ANKRD11: variants seen among roughly 807,000 people sequenced by gnomAD.
ANKRD11 encodes ankyrin repeat domain-containing protein 11.
In ANKRD11, 17 loss-of-function variants were observed where a neutral mutation model predicts 195.7. That is an observed-to-expected ratio of 0.09 (90% CI 0.06 to 0.13). The LOEUF (loss-of-function observed/expected upper bound fraction) is 0.13. Ranked by LOEUF, ANKRD11 falls within the 10% of genes least tolerant of loss-of-function variation. ANKRD11 has a pLI of 1.00. For synonymous variants in ANKRD11, 1,953 were observed against 1,528.1 expected, an observed-to-expected ratio of 1.28 and a Z score of -6.49; for missense variants, 3,735 against 3,566.1, an observed-to-expected ratio of 1.05 and a Z score of -1.21.
chr16:89,481,043 C>A (rs923056236), intron 1 of ANKRD11, among the ~76,000 whole-genome samples: 1 of 152,192 alleles, frequency 6.6e-6, no homozygotes, highest in African/African-American at 2.4e-5. Context: ...GCCCCACCAC[C>A]CCGTTCCCCA....
At chr16:89,388,433 A>G (rs1415246463) in intron 2 of ANKRD11, among the ~76,000 whole-genome samples, 7 of 151,000 alleles carry the variant, frequency 4.6e-5, no homozygotes, top group Non-Finnish European at 1.0e-4. Context: ...CCCAGCCTCC[A>G]TGAGGTTGAT....
In ANKRD11 at chr16:89,320,552, C is replaced by T. The variant is rs1319521561; in HGVS notation, c.-59-3474G>A. Among the ~76,000 whole-genome samples the T allele has an allele frequency of 3.9e-5, 6 of 152,328 alleles. No individual in the cohort carries two copies. The East Asian group carries it at 5.8e-4, about 15-fold the overall frequency. On this transcript the variant is annotated intron_variant, in intron 2 of 12. Coordinates refer to ENST00000301030, the MANE Select transcript of ANKRD11 (RefSeq NM_013275.6). ...CCCCCAGGCCACGCATTCCTTGTTA[C>T]TTCACCTCCTGGCGGATGGCAACCG...
intron 4 of ANKRD11, among the ~76,000 whole-genome samples, chr16:89,295,020 T>A (rs960399167): frequency 6.6e-6 from 1 of 152,212 alleles, no homozygotes; most frequent in African/African-American, 2.4e-5. Context: ...GGAAGCCAAA[T>A]ACAATTTCTA....
chr16:89,290,658 C>T lies in ANKRD11; in HGVS notation c.568G>A (p.Glu190Lys). ...TCCTTGACGTTGACGTCTGCCCCCT[C>T]GCTGATGAGCTCTTTGATGCGCCGG... Reference protein sequence around the residue: ...DARRIKELISEGADVNVKDFA... With the variant: ...DARRIKELISKGADVNVKDFA... Residue 190 changes from glutamate (E) to lysine (K), a missense_variant, in exon 6 of 13, where the codon GAG (glutamate) becomes AAG (lysine). Coordinates refer to ENST00000301030, the MANE Select transcript of ANKRD11 (RefSeq NM_013275.6). The T allele has an allele frequency of 1.2e-6, 2 of 1,613,712 alleles. No homozygotes were observed. Among genetic ancestry groups the T allele is most frequent in the Non-Finnish European group, 1.7e-6 (2 of 1,180,006 alleles).
chr16:89,481,031 C>A (rs1238128678), intron 1 of ANKRD11, among the ~76,000 whole-genome samples: 1 of 152,198 alleles, frequency 6.6e-6, no homozygotes, highest in Non-Finnish European at 1.5e-5. Context: ...CACCCAGCTT[C>A]TGCCCCACCA....
At chr16:89,357,823 G>A (rs1026512926) in intron 2 of ANKRD11, among the ~76,000 whole-genome samples, 2 of 152,230 alleles carry the variant, frequency 1.3e-5, no homozygotes, top group African/African-American at 4.8e-5. Flanking sequence ...ATGGCCACAG[G>A]ACAACGCTGC....
Position 89,315,601 on chromosome 16 carries a change from G to A in ANKRD11, c.87+1332C>T, listed in dbSNP as rs994839705. Among the ~76,000 whole-genome samples the A allele has an allele frequency of 5.3e-5, 8 of 152,358 alleles. No individual in the cohort carries two copies. In the East Asian group the frequency reaches 9.6e-4, roughly 18 times the overall value. ...AAGCACTGGCTTCAGCTCATCCTTC[G>A]CTGGTGGCTGCAAGCCATGGAACCC... On this transcript the variant is annotated intron_variant, in intron 3 of 12. Transcript: ENST00000301030.
intron 7 of ANKRD11, 25 bp from the exon 8 acceptor site, chr16:89,286,211 AG>A: frequency 6.2e-7 from 1 of 1,610,618 alleles, no homozygotes; most frequent in Non-Finnish European, 8.5e-7. Context: ...CACCCGCGTC[AG>A]GGACTGCTGG....
chr16:89,470,705 C>A (rs1002950141), intron 1 of ANKRD11, among the ~76,000 whole-genome samples: 2 of 151,770 alleles, frequency 1.3e-5, no homozygotes, highest in Admixed American at 6.6e-5. Flanking sequence ...ATTAGCCGGG[C>A]GTGGCCGGGC....
At chr16:89,455,915 C>T (rs1300570037) in intron 1 of ANKRD11, among the ~76,000 whole-genome samples, 1 of 152,132 alleles carries the variant, frequency 6.6e-6, no homozygotes, top group African/African-American at 2.4e-5. Flanking sequence ...AACCTGTGCA[C>T]ACATGCTCAC....
At chr16:89,402,294 T>A (rs2041726172) in intron 2 of ANKRD11, among the ~76,000 whole-genome samples, 1 of 152,178 alleles carries the variant, frequency 6.6e-6, no homozygotes, top group Non-Finnish European at 1.5e-5. Flanking sequence ...GAACGAGGCT[T>A]GTCTCAGCGA....
chr16:89,381,354 A>AGG (rs149983751), intron 2 of ANKRD11, among the ~76,000 whole-genome samples: 4 of 125,332 alleles, frequency 3.2e-5, no homozygotes, highest in African/African-American at 9.9e-5. Flanking sequence ...AAAAAAAAAA[A>AGG]GGGGTGAGAA....
At chr16:89,403,331 T>C (rs2041778850) in intron 2 of ANKRD11, among the ~76,000 whole-genome samples, 1 of 152,090 alleles carries the variant, frequency 6.6e-6, no homozygotes. Flanking sequence ...CGGCCCCTCC[T>C]GACTGGCCCC....
At chr16:89,332,424 C>T (rs978332002) in intron 2 of ANKRD11, among the ~76,000 whole-genome samples, 9 of 152,186 alleles carry the variant, frequency 5.9e-5, no homozygotes, top group Non-Finnish European at 1.3e-4. Flanking sequence ...TACAGCTCCA[C>T]ACGTCCCTCC....
rs2057130731 is a variant in ANKRD11, at chr16:89,472,751, T to C, written c.-145+17494A>G. 2.6e-5 allele frequency among the ~76,000 whole-genome samples: 4 copies of C among 152,280 alleles called. No homozygotes were observed. In the South Asian group the frequency reaches 6.2e-4, roughly 24 times the overall value. Reference sequence around the variant, plus strand: ...ATTTGAGGATCCAATGAATATCACTTAGTGGAAAGGAAGTAAAAGATAATT... The same window carrying C: ...ATTTGAGGATCCAATGAATATCACTCAGTGGAAAGGAAGTAAAAGATAATT... On this transcript the variant is annotated intron_variant, in intron 1 of 12. Coordinates refer to ENST00000301030, the MANE Select transcript of ANKRD11 (RefSeq NM_013275.6).
At chr16:89,349,163 A>G (rs2039086371) in intron 2 of ANKRD11, among the ~76,000 whole-genome samples, 2 of 139,146 alleles carry the variant, frequency 1.4e-5, no homozygotes. Flanking sequence ...AAAAAAAAAG[A>G]ATAATAATTA....
chr16:89,457,219 AAAGT>A (rs993962864), intron 1 of ANKRD11, among the ~76,000 whole-genome samples: 3 of 150,800 alleles, frequency 2.0e-5, no homozygotes, highest in Non-Finnish European at 4.4e-5. Context: ...TCGGCCTCCC[AAAGT>A]GCTGGGATTA....
chr16:89,437,712 C>G (rs1288899597), intron 1 of ANKRD11, among the ~76,000 whole-genome samples: 2 of 152,152 alleles, frequency 1.3e-5, no homozygotes, highest in African/African-American at 4.8e-5. Context: ...GGCTGTGGTG[C>G]CCTGGCCACT....
chr16:89,364,545 C>G (rs185438665), intron 2 of ANKRD11, among the ~76,000 whole-genome samples: 191 of 152,340 alleles, frequency 1.3e-3, no homozygotes, highest in African/African-American at 4.1e-3. Context: ...CTGAGCACAG[C>G]AGTCAGACCC....
Sources: allele counts gnomAD v4.1 joint callset (sites outside exome capture counted in the v4.1 genomes callset), GRCh38; gene constraint gnomAD v4.1.1; transcripts MANE v1.5; gene names NCBI Gene and HGNC (gene_info 2026-07-23, HGNC 2026-07-21).